The following RAPGEF5 variants were observed in gnomAD, a reference collection of about 807,000 sequenced individuals.
RAPGEF5 encodes Rap guanine nucleotide exchange factor 5, also known as M-Ras-regulated GEF.
In RAPGEF5, 65 loss-of-function variants were observed where a neutral mutation model predicts 125.2. That is an observed-to-expected ratio of 0.52 (90% confidence interval 0.43 to 0.64). RAPGEF5 has a LOEUF of 0.64. Among genes scored for constraint, RAPGEF5 ranks in the 30% least tolerant of loss-of-function variants. The pLI, the probability that RAPGEF5 is intolerant of heterozygous loss-of-function variation, is 0.00. For missense variants in RAPGEF5, 958 were observed against 1,048.1 expected, an observed-to-expected ratio of 0.91 and a Z score of 1.19; for synonymous variants, 391 against 385.9, an observed-to-expected ratio of 1.01 and a Z score of -0.16.
At chr7:22,334,983 C>CAA (rs1783998151) in intron 1 of RAPGEF5, among the ~76,000 whole-genome samples, 1 of 152,152 alleles carries the variant, frequency 6.6e-6, no homozygotes, top group African/African-American at 2.4e-5. Flanking sequence ...CTCTTGTTTG[C>CAA]AATTAAGACC....
intron 7 of RAPGEF5, among the ~76,000 whole-genome samples, chr7:22,261,617 C>A (rs1439031142): frequency 1.3e-5 from 2 of 152,116 alleles, no homozygotes; most frequent in East Asian, 1.9e-4. Flanking sequence ...CAGAGTGAGA[C>A]CCTGTCTCAA....
chr7:22,347,088 T>C (rs1218362473), intron 1 of RAPGEF5, among the ~76,000 whole-genome samples: 1 of 152,146 alleles, frequency 6.6e-6, no homozygotes, highest in Non-Finnish European at 1.5e-5. Context: ...AACTGATAAT[T>C]ATGTATATAC....
chr7:22,330,922 C>T lies in RAPGEF5; in HGVS notation c.232-12885G>A, dbSNP rs116457675. Among the ~76,000 whole-genome samples, 313 of 152,216 alleles carry T rather than the reference C, an allele frequency of 2.1e-3. 2 individuals carry two copies. The highest frequency in any genetic ancestry group is 5.2e-3 in the African/African-American group (215 of 41,528). Reference sequence around the variant, plus strand: ...GCTACTCACTCTGGGGTATGTAAACCGCATATCAATTTTTAAATTAAAATC... The same window carrying T: ...GCTACTCACTCTGGGGTATGTAAACTGCATATCAATTTTTAAATTAAAATC... On this transcript the variant is annotated intron_variant, in intron 1 of 25. Transcript: ENST00000665637.
In RAPGEF5 at chr7:22,316,460, CATATATATATAT is replaced by C. The variant is rs757768702; in HGVS notation, c.283-996_283-985del. 4.0e-3 allele frequency among the ~76,000 whole-genome samples: 373 copies of C among 92,702 alleles called. 2 individuals are homozygous for C. The highest frequency in any genetic ancestry group is 0.012 in the African/African-American group (258 of 21,800). The allele number at this position is 92,702 out of a possible 152,430, so 60.8% of individuals were successfully genotyped here. A position where few individuals can be genotyped will look rare whatever the true frequency, so the allele number is the denominator to read the frequency against. On this transcript the variant is annotated intron_variant, in intron 2 of 25. Transcript: ENST00000665637. ...ATACACACGTGTATGTATACATAGA[CATATATATATAT>C]ATATATATATATATATATTTTTTTT...
intron 21 of RAPGEF5, among the ~76,000 whole-genome samples, chr7:22,138,935 T>C (rs943184683): frequency 6.6e-6 from 1 of 152,214 alleles, no homozygotes. Flanking sequence ...GTCTTTCATC[T>C]TGCTTTGTGT....
intron 21 of RAPGEF5, among the ~76,000 whole-genome samples, chr7:22,139,397 C>T (rs1326090539): frequency 6.6e-6 from 1 of 152,138 alleles, no homozygotes; most frequent in African/African-American, 2.4e-5. Context: ...ATGAGTGAGG[C>T]AGAGTCCTGC....
At position 22,308,325 on chromosome 7, in the gene RAPGEF5, G is replaced by A. The variant is rs1000568912; in HGVS notation, c.680+14C>T. ...AGTGTAAGAATACAATGGCACAAGAGAGCATCTACTTACAGTTCACAGATG... is the reference window on the plus strand; with the variant it reads ...AGTGTAAGAATACAATGGCACAAGAAAGCATCTACTTACAGTTCACAGATG... On this transcript the variant is annotated intron_variant, in intron 5 of 25. Transcript: ENST00000665637. 3.2e-6 allele frequency: 5 copies of A among 1,573,314 alleles called. No homozygotes were observed. The African/African-American group carries it at 5.4e-5, about 17-fold the overall frequency.
Position 22,169,232 on chromosome 7 carries a change from T to C in RAPGEF5, c.1205-2084A>G, listed in dbSNP as rs534351962. ...AGGGGCCCCCTACTAGAGTCTCTGT[T>C]TATGGAAGTTTCAAATATATGAACA... is the stretch of plus-strand genomic sequence containing the variant. On this transcript the variant is annotated intron_variant, in intron 11 of 25. Transcript: ENST00000665637. Among the ~76,000 whole-genome samples, 5 of 152,264 alleles carry C rather than the reference T, an allele frequency of 3.3e-5. 1 individual carries two copies. Among genetic ancestry groups the C allele is most frequent in the Admixed American group, 3.3e-4 (5 of 15,298 alleles).
chr7:22,277,261 T>C (rs1443555262), intron 6 of RAPGEF5, among the ~76,000 whole-genome samples: 2 of 152,300 alleles, frequency 1.3e-5, no homozygotes, highest in South Asian at 2.1e-4. Flanking sequence ...TCAACTTAAG[T>C]AGCTGTGCCC....
At chr7:22,318,150 A>AAG (rs1483452251) in intron 1 of RAPGEF5, 113 bp from the exon 2 acceptor site, 9 of 1,115,436 alleles carry the variant, frequency 8.1e-6, no homozygotes, top group African/African-American at 1.6e-5. Context: ...AAAAAAAAAA[A>AAG]AAAATGAGCT....
chr7:22,152,188 C>G (rs1274047517), intron 17 of RAPGEF5, among the ~76,000 whole-genome samples: 1 of 152,150 alleles, frequency 6.6e-6, no homozygotes, highest in Admixed American at 6.5e-5. Flanking sequence ...AAATAATAAT[C>G]TAATATATTC....
chr7:22,290,773 A>C (rs1294043531), intron 6 of RAPGEF5, among the ~76,000 whole-genome samples: 1 of 151,868 alleles, frequency 6.6e-6, no homozygotes, highest in East Asian at 1.9e-4. Flanking sequence ...ACCACAATGA[A>C]AATGTTGCAA....
At chr7:22,214,824 A>G (rs1785597139) in intron 9 of RAPGEF5, among the ~76,000 whole-genome samples, 1 of 151,998 alleles carries the variant, frequency 6.6e-6, no homozygotes, top group East Asian at 1.9e-4. Flanking sequence ...TCCTCACTCC[A>G]GTGATGAAGG....
At chr7:22,276,054 T>G (rs1016991445) in intron 6 of RAPGEF5, among the ~76,000 whole-genome samples, 2 of 152,220 alleles carry the variant, frequency 1.3e-5, no homozygotes, top group African/African-American at 2.4e-5. Context: ...CCCTAACTGC[T>G]GATCTACCTG....
rs1452770543 is a variant in RAPGEF5 at position 22,309,949 on chromosome 7, C to T, written c.511+20G>A. On this transcript the variant is annotated intron_variant, in intron 4 of 25. Coordinates refer to ENST00000665637, the MANE Select transcript of RAPGEF5 (RefSeq NM_012294.5). ...GCTTAATAAAATAATGATGCTGTGC[C>T]TTCAAGACATAATACTAACCTGATA... 3.2e-6 allele frequency: 5 copies of T among 1,555,472 alleles called. No homozygotes were observed. The highest frequency in any genetic ancestry group is 4.3e-6 in the Non-Finnish European group (5 of 1,160,536).
chr7:22,245,717 AAC>A (rs1295540755), intron 7 of RAPGEF5, among the ~76,000 whole-genome samples: 1 of 152,172 alleles, frequency 6.6e-6, no homozygotes, highest in Admixed American at 6.5e-5. Flanking sequence ...ATATCAACAT[AAC>A]ACACTCTTAT....
intron 7 of RAPGEF5, among the ~76,000 whole-genome samples, chr7:22,261,009 T>G (rs112471594): frequency 0.011 from 1,710 of 152,304 alleles, 28 homozygotes; most frequent in African/African-American, 0.039. Context: ...TGAATGCTAA[T>G]AGGGTAACTG....
At chr7:22,245,713 A>G (rs1305783406) in intron 7 of RAPGEF5, among the ~76,000 whole-genome samples, 1 of 152,126 alleles carries the variant, frequency 6.6e-6, no homozygotes, top group Non-Finnish European at 1.5e-5. Context: ...TAAAATATCA[A>G]CATAACACAC....
At position 22,150,390 on chromosome 7, in the gene RAPGEF5, A is replaced by G. The variant is rs1208547226; in HGVS notation, c.1884+17T>C. Reference sequence around the variant, plus strand: ...GCCTGGCCTGTTTGTTTCAAATACAAGGCTGAAGGTCCTTACCAAAGTGTC... The same window carrying G: ...GCCTGGCCTGTTTGTTTCAAATACAGGGCTGAAGGTCCTTACCAAAGTGTC... On this transcript the variant is annotated intron_variant, in intron 18 of 25. Coordinates refer to ENST00000665637, the MANE Select transcript of RAPGEF5 (RefSeq NM_012294.5). The G allele has an allele frequency of 3.8e-6, 6 of 1,597,738 alleles. No homozygotes were observed. Among genetic ancestry groups the G allele is most frequent in the Non-Finnish European group, 5.1e-6 (6 of 1,174,074 alleles).
Sources: gnomAD v4.1 joint callset for allele counts (sites outside exome capture counted in the v4.1 genomes callset) on GRCh38, gnomAD v4.1.1 for gene constraint, MANE v1.5 for transcripts, NCBI Gene and HGNC (gene_info 2026-07-23, HGNC 2026-07-21) for gene names.